Variants in PEX7 observed in about 807,000 individuals in gnomAD.
PEX7 encodes the protein peroxisomal biogenesis factor 7.
In PEX7, 34 loss-of-function variants were observed where a neutral mutation model predicts 47.5. The observed-to-expected ratio is 0.72, with a 90% CI of 0.54 to 0.95. The LOEUF is 0.95. Among genes scored for constraint, PEX7 ranks in the 40% least tolerant of loss-of-function variants. PEX7 has a pLI of 0.00. For missense variants in PEX7, 394 were observed against 400.3 expected (o/e 0.98, Z 0.13); for synonymous variants, 141 against 148.8 (o/e 0.95, Z 0.38).
chr6:136,853,070 C>T (rs1334035106), intron 5 of PEX7, among the ~76,000 whole-genome samples: 1 of 151,580 alleles, frequency 6.6e-6, no homozygotes, highest in Non-Finnish European at 1.5e-5. Flanking sequence ...AAAGGATTCC[C>T]TATTTAATAA....
At chr6:136,898,327 T>G (rs768995824) in intron 9 of PEX7, 86 bp downstream of exon 9, 25 of 860,568 alleles carry the variant, frequency 2.9e-5, no homozygotes, top group Non-Finnish European at 4.8e-5. Flanking sequence ...TGAATAAAAT[T>G]GTTGCCATTT....
In PEX7 at chr6:136,845,639, A is replaced by C; in HGVS notation, c.364A>C (p.Thr122Pro). The C allele has an allele frequency of 9.3e-6, 15 of 1,610,952 alleles. No homozygotes were observed. The highest frequency in any genetic ancestry group is 1.3e-5 in the Non-Finnish European group (15 of 1,177,110). Residue 122 changes from threonine to proline, a missense_variant, in exon 4 of 10, where the codon ACC becomes CCC. Thr to Pro is a conservative substitution (Grantham distance 38, BLOSUM62 -1). Coordinates refer to ENST00000318471, the MANE Select transcript of PEX7 (RefSeq NM_000288.4). ...QEVYSVDWSQTRGEQLVVSGS... is the reference protein window; with the variant it reads ...QEVYSVDWSQPRGEQLVVSGS... ...GGTGTATAGTGTTGATTGGAGCCAA[A>C]CCAGAGGTGAACAGCTTGTGGTGTC...
chr6:136,826,470 G>A lies in PEX7; in HGVS notation c.339+1G>A. On this transcript the variant is annotated splice_donor_variant, in intron 3 of 9. Transcript: ENST00000318471. LOFTEE classifies it high-confidence loss of function. ...AGTCTATAAAGAACACGCTCAGGAG[G>A]TAGGAGGGAAATCTTTCTGGGCTGA... The A allele has an allele frequency of 6.2e-7, 1 of 1,614,000 alleles. No homozygotes were observed. Among genetic ancestry groups the A allele is most frequent in the Non-Finnish European group, 8.5e-7 (1 of 1,180,020 alleles).
intron 8 of PEX7, among the ~76,000 whole-genome samples, chr6:136,876,001 C>A (rs2115236596): frequency 6.6e-6 from 1 of 151,652 alleles, no homozygotes; most frequent in South Asian, 2.1e-4. Context: ...TTTCCCCATA[C>A]CTTTTTTTTT....
intron 9 of PEX7, among the ~76,000 whole-genome samples, chr6:136,908,331 A>G (rs1453679612): frequency 6.6e-6 from 1 of 152,164 alleles, no homozygotes; most frequent in African/African-American, 2.4e-5. Flanking sequence ...ATCTTACCCT[A>G]TTAGTTTAGT....
chr6:136,838,386 A>T (rs1774434175), intron 3 of PEX7, among the ~76,000 whole-genome samples: 1 of 152,200 alleles, frequency 6.6e-6, no homozygotes, highest in South Asian at 2.1e-4. Context: ...ATTCTACAAG[A>T]CCAATAACTT....
chr6:136,836,594 A>T (rs1170708469), intron 3 of PEX7, among the ~76,000 whole-genome samples: 1 of 152,248 alleles, frequency 6.6e-6, no homozygotes, highest in Admixed American at 6.5e-5. Flanking sequence ...GAAAATAATT[A>T]TTCAAGTGAC....
chr6:136,880,297 A>C (rs1226098482), intron 8 of PEX7, among the ~76,000 whole-genome samples: 1 of 151,452 alleles, frequency 6.6e-6, no homozygotes. Context: ...ATTTTCTTTC[A>C]CCCCTAAACT....
intron 8 of PEX7, among the ~76,000 whole-genome samples, chr6:136,874,050 A>G (rs1451900805): frequency 6.6e-6 from 1 of 152,242 alleles, no homozygotes; most frequent in East Asian, 1.9e-4. Flanking sequence ...TTGCGTCAAT[A>G]TTCAAAGGTG....
chr6:136,860,986 C>A (rs1198440982), intron 5 of PEX7, among the ~76,000 whole-genome samples: 3 of 152,172 alleles, frequency 2.0e-5, no homozygotes, highest in Non-Finnish European at 4.4e-5. Context: ...TTTTTTCATG[C>A]AACATTATGT....
intron 3 of PEX7, among the ~76,000 whole-genome samples, chr6:136,843,972 C>CA (rs1289635481): frequency 8.6e-5 from 13 of 152,010 alleles, no homozygotes; most frequent in Non-Finnish European, 1.5e-4. Context: ...AAAATTAATG[C>CA]AAAAAACCCA....
At chr6:136,834,179 G>T (rs983431080) in intron 3 of PEX7, among the ~76,000 whole-genome samples, 1 of 152,110 alleles carries the variant, frequency 6.6e-6, no homozygotes, top group African/African-American at 2.4e-5. Flanking sequence ...AGCCCTAAGG[G>T]AAAGGGACAT....
intron 6 of PEX7, among the ~76,000 whole-genome samples, chr6:136,868,746 G>A (rs946209290): frequency 4.0e-5 from 6 of 151,422 alleles, no homozygotes; most frequent in Admixed American, 1.3e-4. Flanking sequence ...CTACTTTTGC[G>A]CCAACTTAAA....
At chr6:136,873,350 T>C (rs999673581) in intron 8 of PEX7, among the ~76,000 whole-genome samples, 6 of 152,200 alleles carry the variant, frequency 3.9e-5, no homozygotes, top group African/African-American at 1.4e-4. Context: ...CAGTGAATGA[T>C]AGCTTTGTGT....
At chr6:136,899,328 C>T (rs1225441538) in intron 9 of PEX7, among the ~76,000 whole-genome samples, 2 of 151,796 alleles carry the variant, frequency 1.3e-5, no homozygotes, top group East Asian at 3.9e-4. Context: ...CTGCAACCTT[C>T]GCCTCCCGGA....
At chr6:136,835,436 G>A (rs1774368715) in intron 3 of PEX7, among the ~76,000 whole-genome samples, 1 of 151,760 alleles carries the variant, frequency 6.6e-6, no homozygotes, top group Admixed American at 6.6e-5. Flanking sequence ...TTATAGGTGT[G>A]TGCCACCGTG....
At chr6:136,869,568 T>A (rs552515975) in intron 6 of PEX7, among the ~76,000 whole-genome samples, 51 of 152,280 alleles carry the variant, frequency 3.3e-4, no homozygotes, top group African/African-American at 9.9e-4. Flanking sequence ...AAATTTTTAA[T>A]CCCCTATGTA....
At chr6:136,884,043 G>T (rs1229741176) in intron 8 of PEX7, among the ~76,000 whole-genome samples, 2 of 151,990 alleles carry the variant, frequency 1.3e-5, no homozygotes, top group Non-Finnish European at 2.9e-5. Context: ...TAGGATTATC[G>T]AAGACTTTCT....
chr6:136,891,869 T>C (rs1464461509), intron 8 of PEX7, among the ~76,000 whole-genome samples: 1 of 152,188 alleles, frequency 6.6e-6, no homozygotes, highest in East Asian at 1.9e-4. Context: ...GGGCTTGAAC[T>C]CCTGGCCTTA....
Sources: gnomAD v4.1 joint callset for allele counts (sites outside exome capture counted in the v4.1 genomes callset) on GRCh38, gnomAD v4.1.1 for gene constraint, MANE v1.5 for transcripts, NCBI Gene and HGNC (gene_info 2026-07-23, HGNC 2026-07-21) for gene names.